SYNE2: variants seen among roughly 807,000 people sequenced by gnomAD.
SYNE2 encodes the protein spectrin repeat containing nuclear envelope protein 2, also known as nesprin-2.
Under a neutral mutation model 856.3 loss-of-function variants are expected in SYNE2, and 431 were observed. That is an observed-to-expected ratio of 0.50 (90% CI 0.47 to 0.55). SYNE2 has a LOEUF of 0.55. Among genes scored for constraint, SYNE2 ranks in the 20% least tolerant of loss-of-function variants. The pLI, the probability that SYNE2 is intolerant of heterozygous loss-of-function variation, is 0.00. For missense variants in SYNE2, 8,129 were observed against 8,023.2 expected (o/e 1.01, Z -0.50); for synonymous variants, 2,923 against 2,872.3 (o/e 1.02, Z -0.56).
intron 84 of SYNE2, among the ~76,000 whole-genome samples, chr14:64,147,301 T>C (rs138513621): frequency 1.3e-5 from 2 of 152,160 alleles, no homozygotes. Flanking sequence ...CTTGCCAGCC[T>C]CCTCCCTCAT....
At chr14:63,795,273 C>T (rs1215486217) in intron 1 of SYNE2, among the ~76,000 whole-genome samples, 3 of 151,880 alleles carry the variant, frequency 2.0e-5, no homozygotes, top group East Asian at 3.9e-4. Flanking sequence ...CAGCTGCCAG[C>T]GTGGATAGAA....
intron 48 of SYNE2, among the ~76,000 whole-genome samples, chr14:64,055,703 A>G (rs1409531787): frequency 2.6e-5 from 4 of 152,120 alleles, no homozygotes; most frequent in Admixed American, 2.6e-4. Flanking sequence ...TATTTGCTTA[A>G]AAATAATAGT....
At chr14:64,102,361 CT>C (rs1412122979) in intron 64 of SYNE2, among the ~76,000 whole-genome samples, 3 of 152,160 alleles carry the variant, frequency 2.0e-5, no homozygotes, top group African/African-American at 7.2e-5. Flanking sequence ...TCTCTTCCCT[CT>C]TTCCTTTGTT....
intron 1 of SYNE2, among the ~76,000 whole-genome samples, chr14:63,867,733 ATGAAAGAAAG>A (rs1393298983): frequency 2.0e-5 from 3 of 151,446 alleles, no homozygotes; most frequent in Non-Finnish European, 4.4e-5. Context: ...GAATGAAAGA[ATGAAAGAAAG>A]AGAGAGAAAG....
At position 64,024,922 on chromosome 14, in the gene SYNE2, G is replaced by A; in HGVS notation, c.5851G>A (p.Asp1951Asn). ...GTAATGCTCTTTTAGACTCCAGGAT[G>A]ACCATAGAAACCTGAGGAAGTGGTT... ...SLQQLLRLQD[D>N]HRNLRKWLTN... The change falls in exon 40 of 116, where the codon GAC becomes AAC. Residue 1951 changes from aspartate (D) to asparagine (N), a missense_variant. Asp to Asn is a conservative substitution (Grantham distance 23). Around this residue, in one of 3 missense-constraint regions of SYNE2, gnomAD observed 2,422 missense variants for 2,357.4 expected, o/e 1.03. Transcript: ENST00000555002. 1 of 1,613,790 alleles carries A rather than the reference G, an allele frequency of 6.2e-7. No individual in the cohort carries two copies. Among genetic ancestry groups the A allele is most frequent in the Non-Finnish European group, 8.5e-7 (1 of 1,179,872 alleles).
intron 106 of SYNE2, among the ~76,000 whole-genome samples, chr14:64,214,859 CCTCCTGAGTAG>C: frequency 6.6e-6 from 1 of 152,220 alleles, no homozygotes; most frequent in East Asian, 1.9e-4. Context: ...TCCACCTCAG[CCTCCTGAGTAG>C]CTGGGACTAT....
chr14:64,142,170 T>C lies in SYNE2; in HGVS notation c.15306+82T>C. On this transcript the variant is annotated intron_variant, in intron 82 of 115. Transcript: ENST00000555002. ...GGGTAATGCTGGACAAAGGGACACA[T>C]AGGATATAATTTCAAAAAACTAATT... is the stretch of plus-strand genomic sequence containing the variant. 7 of 1,523,200 alleles carry C rather than the reference T, an allele frequency of 4.6e-6. No homozygotes were observed. In the South Asian group the frequency reaches 6.9e-5, roughly 15 times the overall value. The allele number at this position is 1,523,200 out of a possible 1,614,324, so 94.4% of individuals were successfully genotyped here. A position where few individuals can be genotyped will look rare whatever the true frequency, so the allele number is the denominator to read the frequency against.
In SYNE2 at chr14:64,102,175, C is replaced by A. The variant is rs181100656; in HGVS notation, c.12492+133C>A. The stretch of plus-strand genomic sequence containing the variant: ...TCTGTCGCCCAGACTGGAGTGCAGT[C>A]GTATGATCTCAGCTCACTGCAACCT... On this transcript the variant is annotated intron_variant, in intron 64 of 115. Coordinates refer to ENST00000555002, the MANE Select transcript of SYNE2 (RefSeq NM_182914.3). The A allele has an allele frequency of 4.5e-6, 3 of 673,814 alleles. No homozygotes were observed. In the South Asian group the frequency reaches 4.8e-5, roughly 11 times the overall value. The allele number at this position is 673,814 out of a possible 1,614,324, so 41.7% of individuals were successfully genotyped here.
At chr14:64,013,342 ATATT>A (rs2096863020) in intron 32 of SYNE2, among the ~76,000 whole-genome samples, 1 of 115,806 alleles carries the variant, frequency 8.6e-6, no homozygotes, top group Non-Finnish European at 1.9e-5. Context: ...TTTTTTTTGT[ATATT>A]TAGGGAGTTA....
At chr14:63,991,381 G>T (rs1199498801) in intron 21 of SYNE2, among the ~76,000 whole-genome samples, 2 of 152,134 alleles carry the variant, frequency 1.3e-5, no homozygotes, top group South Asian at 2.1e-4. Flanking sequence ...CATTGAACAA[G>T]AATTTAATTT....
chr14:63,862,051 C>T (rs1470455416), intron 1 of SYNE2, among the ~76,000 whole-genome samples: 4 of 152,160 alleles, frequency 2.6e-5, no homozygotes, highest in Non-Finnish European at 5.9e-5. Context: ...TATTTTGAAG[C>T]AAATTTTATA....
intron 112 of SYNE2, among the ~76,000 whole-genome samples, chr14:64,222,240 G>A (rs1413820937): frequency 6.6e-6 from 1 of 152,178 alleles, no homozygotes; most frequent in Non-Finnish European, 1.5e-5. Flanking sequence ...CAGAGTGCTA[G>A]CCATTGTTTA....
At chr14:63,769,953 T>C (rs760476261) in intron 1 of SYNE2, among the ~76,000 whole-genome samples, 1 of 151,934 alleles carries the variant, frequency 6.6e-6, no homozygotes. Flanking sequence ...CTTGCTCTGT[T>C]GTCCTGACTG....
chr14:63,945,643 GAC>G (rs1447606606), intron 6 of SYNE2, among the ~76,000 whole-genome samples: 1 of 151,828 alleles, frequency 6.6e-6, no homozygotes, highest in Non-Finnish European at 1.5e-5. Context: ...GTTTTTTTGA[GAC>G]AGAGTCTCGC....
Position 64,052,277 on chromosome 14 carries a change from G to A in SYNE2, c.8364G>A (p.Glu2788=). The A allele has an allele frequency of 6.2e-7, 1 of 1,614,112 alleles. No individual in the cohort carries two copies. The highest frequency in any genetic ancestry group is 1.7e-5 in the Admixed American group (1 of 60,014). ...RQQSVESLAE[E]VKDKVPSLTT... ...AGTCTGTGGAATCGTTGGCTGAAGA[G>A]GTCAAAGATAAGGTTCCTAGCCTTA... Residue 2788 remains glutamate, a synonymous_variant, in exon 48 of 116, where the codon GAG becomes GAA. Transcript: ENST00000555002.
chr14:64,019,447 T>G (rs555633708), intron 34 of SYNE2, among the ~76,000 whole-genome samples: 13 of 152,298 alleles, frequency 8.5e-5, no homozygotes, highest in African/African-American at 3.1e-4. Flanking sequence ...TTGGAAAAAG[T>G]TTTTGAACTG....
intron 95 of SYNE2, among the ~76,000 whole-genome samples, chr14:64,176,225 A>G (rs893954957): frequency 2.0e-5 from 3 of 152,232 alleles, no homozygotes; most frequent in African/African-American, 7.2e-5. Context: ...CCTATAGTTG[A>G]AAATGCAGGC....
intron 52 of SYNE2, 84 bp from the exon 53 acceptor site, chr14:64,073,884 A>G: frequency 6.8e-7 from 1 of 1,467,054 alleles, no homozygotes; most frequent in South Asian, 1.2e-5. Flanking sequence ...CAGGCATTTC[A>G]TTAATTGTTG....
At chr14:64,097,401 A>G (rs2097686060) in intron 61 of SYNE2, among the ~76,000 whole-genome samples, 1 of 152,182 alleles carries the variant, frequency 6.6e-6, no homozygotes, top group Admixed American at 6.5e-5. Flanking sequence ...AAAGAATGAG[A>G]TTTCTGTCTT....
Sources: allele counts gnomAD v4.1 joint callset (sites outside exome capture counted in the v4.1 genomes callset), GRCh38; gene constraint gnomAD v4.1.1; regional missense constraint gnomAD v4.1.1; transcripts MANE v1.5; gene names NCBI Gene and HGNC (gene_info 2026-07-23, HGNC 2026-07-21).